Variants in SCOC observed in about 807,000 individuals in gnomAD.
The protein encoded by SCOC is short coiled-coil protein.
A neutral mutation model predicts 9.9 loss-of-function variants in SCOC; 7 were observed. The observed-to-expected ratio is 0.71, with a 90% CI of 0.40 to 1.33. The LOEUF is 1.33. SCOC is among the 40% of genes most tolerant of loss of function. SCOC has a pLI of 0.01. For missense variants in SCOC, 66 were observed against 89.7 expected (o/e 0.74, Z 1.07); for synonymous variants, 19 against 28.2 (o/e 0.67, Z 1.03).
chr4:140,332,570 G>C (rs1732849862), intron 1 of SCOC, among the ~76,000 whole-genome samples: 1 of 151,754 alleles, frequency 6.6e-6, no homozygotes, highest in Non-Finnish European at 1.5e-5. Context: ...GTAGAGACGG[G>C]TTTTCACCAT....
At chr4:140,357,186 C>A (rs1378556564) in intron 2 of SCOC, among the ~76,000 whole-genome samples, 2 of 152,080 alleles carry the variant, frequency 1.3e-5, no homozygotes, top group Non-Finnish European at 2.9e-5. Flanking sequence ...GTTGACCAGG[C>A]TGGTCTCGAA....
rs1390392869 is a variant in SCOC at position 140,379,617 on chromosome 4, T to C, written c.71T>C (p.Ile24Thr). Residue 24 changes from isoleucine (I) to threonine (T), a missense_variant, in exon 3 of 4, where the codon ATT becomes ACT. Ile to Thr is a moderately conservative substitution (Grantham distance 89). Coordinates refer to ENST00000608372, the MANE Select transcript of SCOC (RefSeq NM_001153484.2). Reference protein sequence around the residue: ...QVELEEKTRLINQVLELQHTL... With the variant: ...QVELEEKTRLTNQVLELQHTL... The stretch of plus-strand genomic sequence containing the variant: ...GAACTGGAGGAAAAAACAAGACTTA[T>C]TAATCAAGTGTTGGAACTCCAACAC... The C allele has an allele frequency of 5.6e-6, 9 of 1,612,918 alleles. No homozygotes were observed. The highest frequency in any genetic ancestry group is 1.1e-5 in the South Asian group (1 of 90,930).
chr4:140,304,867 T>C (rs1412901426), intron 1 of SCOC, among the ~76,000 whole-genome samples: 1 of 152,200 alleles, frequency 6.6e-6, no homozygotes, highest in Non-Finnish European at 1.5e-5. Context: ...TTGACATAAG[T>C]ACCCCTTTTC....
intron 1 of SCOC, among the ~76,000 whole-genome samples, chr4:140,270,632 G>A (rs1730822439): frequency 6.6e-6 from 1 of 152,154 alleles, no homozygotes. Flanking sequence ...ACCTGGCCCT[G>A]GCAATGACTA....
chr4:140,275,820 G>GTTT (rs1175950527), intron 1 of SCOC, among the ~76,000 whole-genome samples: 33 of 90,628 alleles, frequency 3.6e-4, no homozygotes, highest in Non-Finnish European at 4.6e-4. Context: ...GCTCAGGTTT[G>GTTT]TTTTTTTTTT....
At chr4:140,347,091 C>T (rs970909540) in intron 2 of SCOC, among the ~76,000 whole-genome samples, 2 of 152,114 alleles carry the variant, frequency 1.3e-5, no homozygotes, top group Admixed American at 6.5e-5. Flanking sequence ...AACAGGTGCA[C>T]ACATCCCATA....
chr4:140,343,032 T>C (rs1343544984), upstream of SCOC, among the ~76,000 whole-genome samples: 1 of 152,194 alleles, frequency 6.6e-6, no homozygotes, highest in Non-Finnish European at 1.5e-5. Flanking sequence ...TATTTCTTCA[T>C]ATATTTCTAC....
At chr4:140,297,269 T>G (rs1171284079) in intron 1 of SCOC, among the ~76,000 whole-genome samples, 2 of 148,096 alleles carry the variant, frequency 1.4e-5, no homozygotes, top group African/African-American at 5.0e-5. Context: ...CTGGTGACTG[T>G]GGGGGGGGGG....
chr4:140,344,019 A>G (rs892336970), intron 2 of SCOC, among the ~76,000 whole-genome samples: 1 of 152,204 alleles, frequency 6.6e-6, no homozygotes, highest in Non-Finnish European at 1.5e-5. Flanking sequence ...ATATCGCCAC[A>G]TTTTGTTCAA....
chr4:140,380,194 CTTTTTTTTTTT>C (rs993271002), intron 3 of SCOC, among the ~76,000 whole-genome samples: 13 of 108,422 alleles, frequency 1.2e-4, no homozygotes, highest in Admixed American at 6.3e-4. Context: ...TTTTCTTTTT[CTTTTTTTTTTT>C]TTTTTTTTTT....
intron 2 of SCOC, among the ~76,000 whole-genome samples, chr4:140,367,159 C>T (rs997844931): frequency 7.2e-5 from 11 of 151,928 alleles, no homozygotes; most frequent in South Asian, 4.2e-4. Flanking sequence ...CAGCCAAAAT[C>T]GCACCACTGC....
chr4:140,326,296 T>C (rs1171854350), intron 1 of SCOC, among the ~76,000 whole-genome samples: 3 of 151,702 alleles, frequency 2.0e-5, no homozygotes, highest in African/African-American at 4.8e-5. Flanking sequence ...TCAAACCCCA[T>C]AGAACAGTAG....
chr4:140,269,295 G>T (rs1730792383), intron 1 of SCOC, among the ~76,000 whole-genome samples: 1 of 152,160 alleles, frequency 6.6e-6, no homozygotes, highest in Admixed American at 6.5e-5. Flanking sequence ...GACCAATAGT[G>T]TACAGTGAAA....
intron 2 of SCOC, among the ~76,000 whole-genome samples, chr4:140,362,305 T>TCTTCTTCTTCTTCTTCTTCCTC (rs1357436782): frequency 1.1e-4 from 1 of 9,240 alleles, no homozygotes; most frequent in Non-Finnish European, 2.6e-4. Context: ...TCTTCTTTTT[T>TCTTCTTCTTCTTCTTCTTCCTC]TTTTTTTTTT....
intron 2 of SCOC, among the ~76,000 whole-genome samples, chr4:140,347,166 T>A (rs1028975822): frequency 2.0e-5 from 3 of 152,186 alleles, no homozygotes; most frequent in Admixed American, 6.5e-5. Flanking sequence ...TACAGTAATT[T>A]TTTTTAATGG....
intron 1 of SCOC, among the ~76,000 whole-genome samples, chr4:140,266,715 G>A (rs72937767): frequency 0.05 from 7,625 of 152,150 alleles, 577 homozygotes; most frequent in African/African-American, 0.16. Context: ...GAGCCATTAA[G>A]TCTTTCAAAA....
chr4:140,315,086 G>A (rs970603088), intron 1 of SCOC, among the ~76,000 whole-genome samples: 1 of 152,072 alleles, frequency 6.6e-6, no homozygotes, highest in Non-Finnish European at 1.5e-5. Flanking sequence ...TAAAGAACTT[G>A]GTTTTTTGAT....
At chr4:140,289,345 C>T (rs893365473) in intron 1 of SCOC, among the ~76,000 whole-genome samples, 2 of 152,190 alleles carry the variant, frequency 1.3e-5, no homozygotes, top group African/African-American at 4.8e-5. Flanking sequence ...ATCAGCCGCC[C>T]TTTTCAAGTG....
chr4:140,343,406 G>C (rs1328837528), upstream of SCOC: 1 of 422,674 alleles, frequency 2.4e-6, no homozygotes, highest in Non-Finnish European at 4.3e-6. Flanking sequence ...GCAGCCTCCG[G>C]TCAAGGGTTG....
Sources: gnomAD v4.1 joint callset for allele counts (sites outside exome capture counted in the v4.1 genomes callset) on GRCh38, gnomAD v4.1.1 for gene constraint, MANE v1.5 for transcripts, NCBI Gene and HGNC (gene_info 2026-07-23, HGNC 2026-07-21) for gene names.